PARD3B: variants seen among roughly 807,000 people sequenced by gnomAD.
The protein encoded by PARD3B is partitioning defective 3 homolog B.
A neutral mutation model predicts 130.2 loss-of-function variants in PARD3B; 103 were observed. That is an observed-to-expected ratio of 0.79 (90% CI 0.67 to 0.93). The LOEUF is 0.93. Ranked by LOEUF, PARD3B falls within the 40% of genes least tolerant of loss-of-function variation. PARD3B has a pLI of 0.00. For missense variants in PARD3B, 1,609 were observed against 1,499.2 expected (o/e 1.07, Z -1.21); for synonymous variants, 583 against 553.2 (o/e 1.05, Z -0.76).
At chr2:205,057,630 T>C (rs956397613) in intron 4 of PARD3B, among the ~76,000 whole-genome samples, 2 of 143,716 alleles carry the variant, frequency 1.4e-5, no homozygotes, top group African/African-American at 5.2e-5. Flanking sequence ...TATACGTATA[T>C]ATATACATAT....
chr2:204,784,517 G>A (rs1199762553), intron 2 of PARD3B, among the ~76,000 whole-genome samples: 1 of 152,134 alleles, frequency 6.6e-6, no homozygotes, highest in Non-Finnish European at 1.5e-5. Context: ...TGGCATGTAA[G>A]CATTCATGTG....
At chr2:204,777,943 T>G (rs1232256887) in intron 2 of PARD3B, among the ~76,000 whole-genome samples, 2 of 152,176 alleles carry the variant, frequency 1.3e-5, no homozygotes, top group East Asian at 1.9e-4. Flanking sequence ...GTTTTATAAG[T>G]GTTTGACAGT....
intron 10 of PARD3B, among the ~76,000 whole-genome samples, chr2:205,151,699 G>C (rs1303334319): frequency 6.6e-6 from 1 of 151,880 alleles, no homozygotes; most frequent in Non-Finnish European, 1.5e-5. Context: ...CTCCTGATGT[G>C]TCTTGACTCT....
At chr2:205,526,125 C>T (rs2051325674) in intron 21 of PARD3B, among the ~76,000 whole-genome samples, 1 of 152,216 alleles carries the variant, frequency 6.6e-6, no homozygotes, top group Non-Finnish European at 1.5e-5. Flanking sequence ...TGCTTGACAA[C>T]TGGTCATGGA....
intron 21 of PARD3B, among the ~76,000 whole-genome samples, chr2:205,501,702 G>A (rs964789288): frequency 5.9e-5 from 9 of 152,176 alleles, no homozygotes; most frequent in Admixed American, 3.9e-4. Context: ...AGTAGTCCTG[G>A]TTGTTTTGAC....
chr2:204,685,012 T>TAA (rs2037009451), intron 1 of PARD3B, among the ~76,000 whole-genome samples: 1 of 152,144 alleles, frequency 6.6e-6, no homozygotes, highest in Admixed American at 6.5e-5. Flanking sequence ...ATAGATGCCT[T>TAA]AAAAAAGTAT....
At chr2:204,631,372 C>T (rs2034675205) in intron 1 of PARD3B, among the ~76,000 whole-genome samples, 1 of 152,092 alleles carries the variant, frequency 6.6e-6, no homozygotes, top group African/African-American at 2.4e-5. Flanking sequence ...GCCTCAGCCT[C>T]CCAAGTAGCT....
intron 2 of PARD3B, among the ~76,000 whole-genome samples, chr2:204,801,130 A>G (rs2042553335): frequency 6.6e-6 from 1 of 152,140 alleles, no homozygotes; most frequent in Non-Finnish European, 1.5e-5. Flanking sequence ...CTTGTATTAT[A>G]GTTTAAGTCA....
chr2:205,472,294 C>T (rs182315150), intron 20 of PARD3B, among the ~76,000 whole-genome samples: 41 of 152,090 alleles, frequency 2.7e-4, no homozygotes, highest in African/African-American at 9.9e-4. Context: ...CACACATGTG[C>T]ACACACACAC....
rs536189885 is a variant in PARD3B, at chr2:205,180,486, A to G, written c.1924+3909A>G. Among the ~76,000 whole-genome samples, 18 of 152,264 alleles carry G rather than the reference A, an allele frequency of 1.2e-4. No individual in the cohort carries two copies. In the South Asian group the frequency reaches 3.5e-3, roughly 30 times the overall value. On this transcript the variant is annotated intron_variant, in intron 13 of 22. Transcript: ENST00000406610. ...TTATAAAACCTGAATGTTGATTGCC[A>G]CTACCAGTTTTTTTAAGGATCTTCT...
intron 20 of PARD3B, among the ~76,000 whole-genome samples, chr2:205,492,511 G>A (rs1366471347): frequency 6.6e-6 from 1 of 152,056 alleles, no homozygotes; most frequent in African/African-American, 2.4e-5. Flanking sequence ...TGAAATGGGG[G>A]CTACCTTCAT....
At chr2:204,819,669 C>A (rs778416376) in intron 2 of PARD3B, among the ~76,000 whole-genome samples, 3 of 152,046 alleles carry the variant, frequency 2.0e-5, no homozygotes, top group Non-Finnish European at 4.4e-5. Flanking sequence ...CCTGTTGCAC[C>A]AAACAGCCAA....
intron 1 of PARD3B, among the ~76,000 whole-genome samples, chr2:204,555,496 T>C (rs963803000): frequency 1.3e-5 from 2 of 152,062 alleles, no homozygotes; most frequent in African/African-American, 4.8e-5. Context: ...AGGTGGAGAT[T>C]GCAGTGAGCT....
chr2:205,468,895 G>A (rs1349109370), intron 20 of PARD3B, among the ~76,000 whole-genome samples: 1 of 150,640 alleles, frequency 6.6e-6, no homozygotes, highest in Admixed American at 6.6e-5. Flanking sequence ...CCAATTTTCT[G>A]AGGAGACCAA....
At chr2:205,076,333 T>A (rs936991481) in intron 4 of PARD3B, among the ~76,000 whole-genome samples, 3 of 152,240 alleles carry the variant, frequency 2.0e-5, no homozygotes, top group African/African-American at 7.2e-5. Flanking sequence ...AACTTCTGGA[T>A]AATAACTTGT....
At chr2:205,296,671 G>GTA (rs1447612125) in intron 16 of PARD3B, among the ~76,000 whole-genome samples, 76 of 148,778 alleles carry the variant, frequency 5.1e-4, no homozygotes, top group African/African-American at 1.9e-3. Flanking sequence ...GTATGTGTGT[G>GTA]TGTGTGTGTG....
intron 2 of PARD3B, among the ~76,000 whole-genome samples, chr2:204,813,511 G>T (rs1425069318): frequency 6.6e-6 from 1 of 151,960 alleles, no homozygotes; most frequent in Non-Finnish European, 1.5e-5. Flanking sequence ...CACAAATAGT[G>T]GAAGCTTTTA....
At chr2:204,963,858 G>T (rs1475930512) in intron 2 of PARD3B, among the ~76,000 whole-genome samples, 2 of 152,200 alleles carry the variant, frequency 1.3e-5, no homozygotes, top group Non-Finnish European at 2.9e-5. Context: ...GTGGCAAGAG[G>T]ATTGTTGGAT....
intron 15 of PARD3B, among the ~76,000 whole-genome samples, chr2:205,195,219 A>G (rs2036619757): frequency 6.6e-6 from 1 of 152,226 alleles, no homozygotes; most frequent in Non-Finnish European, 1.5e-5. Flanking sequence ...TACATATGCC[A>G]TAAATGACAA....
Sources: allele counts gnomAD v4.1 joint callset (sites outside exome capture counted in the v4.1 genomes callset), GRCh38; gene constraint gnomAD v4.1.1; transcripts MANE v1.5; gene names NCBI Gene and HGNC (gene_info 2026-07-23, HGNC 2026-07-21).